The following TMEM108 variants were observed in gnomAD, a reference collection of about 807,000 sequenced individuals.
The protein encoded by TMEM108 is cancer/testis antigen 124.
TMEM108 carries 12 observed loss-of-function variants against 35.1 expected under a neutral mutation model. The observed-to-expected ratio is 0.34, with a 90% CI of 0.22 to 0.55. The LOEUF (loss-of-function observed/expected upper bound fraction) is 0.55, where lower values mean the gene tolerates loss of function less well. TMEM108 is among the 20% of genes least tolerant of loss of function. TMEM108 has a pLI of 0.89. For missense variants in TMEM108, 680 were observed against 753.3 expected (o/e 0.90, Z 1.14); for synonymous variants, 287 against 308.6 (o/e 0.93, Z 0.73).
intron 2 of TMEM108, among the ~76,000 whole-genome samples, chr3:133,118,719 C>A (rs996709777): frequency 6.6e-6 from 1 of 152,168 alleles, no homozygotes; most frequent in South Asian, 2.1e-4. Flanking sequence ...TACAATGAGG[C>A]GGCGGGCTGA....
intron 3 of TMEM108, among the ~76,000 whole-genome samples, chr3:133,242,738 C>A (rs1946330795): frequency 6.6e-6 from 1 of 152,168 alleles, no homozygotes; most frequent in Non-Finnish European, 1.5e-5. Context: ...AATCCCCTGT[C>A]CTGTGATCAG....
intron 5 of TMEM108, among the ~76,000 whole-genome samples, chr3:133,393,071 C>G (rs2073257268): frequency 6.6e-6 from 1 of 152,196 alleles, no homozygotes; most frequent in South Asian, 2.1e-4. Context: ...TCCCATTGAT[C>G]ACACACCAGC....
At chr3:133,270,761 GT>G (rs570612732) in intron 3 of TMEM108, among the ~76,000 whole-genome samples, 3 of 150,798 alleles carry the variant, frequency 2.0e-5, no homozygotes, top group African/African-American at 7.3e-5. Context: ...TTTTCTCCCT[GT>G]TTTTTTTATA....
chr3:133,264,365 A>G (rs940098737), intron 3 of TMEM108, among the ~76,000 whole-genome samples: 1 of 152,092 alleles, frequency 6.6e-6, no homozygotes, highest in South Asian at 2.1e-4. Context: ...TTAATAATAG[A>G]TTACTTCAGC....
At chr3:133,378,229 CAG>C in intron 3 of TMEM108, 1 of 553,410 alleles carries the variant, frequency 1.8e-6, no homozygotes, top group Non-Finnish European at 2.3e-6. Context: ...TTTAGAAGTG[CAG>C]GGTGAGGACA....
At chr3:133,386,293 A>ATT in intron 4 of TMEM108, 1 of 1,019,918 alleles carries the variant, frequency 9.8e-7, no homozygotes, top group Non-Finnish European at 1.5e-6. Context: ...AGTGATGATT[A>ATT]TTCATCTTAT....
At chr3:133,078,747 A>G (rs1393723126) in intron 2 of TMEM108, among the ~76,000 whole-genome samples, 4 of 152,238 alleles carry the variant, frequency 2.6e-5, no homozygotes, top group Non-Finnish European at 5.9e-5. Context: ...CAAATTATTC[A>G]TTTACTAAAT....
rs535273341 is a variant in TMEM108 at position 133,162,535 on chromosome 3, T to C, written c.-46-66731T>C. Among the ~76,000 whole-genome samples the C allele has an allele frequency of 5.6e-4, 86 of 152,334 alleles. No individual in the cohort carries two copies. In the South Asian group the frequency reaches 0.011, roughly 19 times the overall value. On this transcript the variant is annotated intron_variant, in intron 2 of 5. Coordinates refer to ENST00000321871, the MANE Select transcript of TMEM108 (RefSeq NM_023943.4). ...TGGTCACTTTTTATCTCTGAATTGT[T>C]TCTCCAGTAGTGGGTTCTGTCTTCC...
intron 2 of TMEM108, among the ~76,000 whole-genome samples, chr3:133,180,985 T>A (rs538808411): frequency 7.3e-6 from 1 of 136,840 alleles, no homozygotes; most frequent in Admixed American, 7.9e-5. Flanking sequence ...TTTCATGTTG[T>A]ACTGGCTATT....
rs140359297 is a variant in TMEM108 at position 133,056,042 on chromosome 3, A to T, written c.-47+10022A>T. On this transcript the variant is annotated intron_variant, in intron 2 of 5. Coordinates refer to ENST00000321871, the MANE Select transcript of TMEM108 (RefSeq NM_023943.4). The stretch of plus-strand genomic sequence containing the variant: ...TTTTGGTTTCCTCTGGTGTTTCTCC[A>T]CATACCCCTCCATTTTTTCCTTCCA... 1.9e-3 allele frequency among the ~76,000 whole-genome samples: 286 copies of T among 149,832 alleles called. 3 individuals carry two copies. In the South Asian group the frequency reaches 0.029, roughly 15 times the overall value.
chr3:133,353,759 G>A (rs112999468), intron 3 of TMEM108, among the ~76,000 whole-genome samples: 25 of 152,310 alleles, frequency 1.6e-4, no homozygotes, highest in African/African-American at 6.0e-4. Flanking sequence ...TGGTTTAGGA[G>A]CCTGCCAAGA....
At chr3:133,394,382 T>C (rs1190391349) in intron 5 of TMEM108, among the ~76,000 whole-genome samples, 1 of 152,252 alleles carries the variant, frequency 6.6e-6, no homozygotes, top group Non-Finnish European at 1.5e-5. Flanking sequence ...CAACAAGTGC[T>C]TGGAAACTTC....
intron 5 of TMEM108, among the ~76,000 whole-genome samples, chr3:133,392,605 C>T (rs1442972892): frequency 6.6e-6 from 1 of 152,178 alleles, no homozygotes; most frequent in Non-Finnish European, 1.5e-5. Flanking sequence ...CTAATAGGCA[C>T]CTCAAACTCA....
intron 5 of TMEM108, among the ~76,000 whole-genome samples, chr3:133,391,544 G>C (rs2073234971): frequency 6.6e-6 from 1 of 152,192 alleles, no homozygotes; most frequent in Non-Finnish European, 1.5e-5. Context: ...GGTAGACCTA[G>C]ACCCAGGCCA....
At chr3:133,255,165 G>A (rs1559883733) in intron 3 of TMEM108, among the ~76,000 whole-genome samples, 1 of 152,168 alleles carries the variant, frequency 6.6e-6, no homozygotes. Context: ...CTTGAGGGAA[G>A]GGAAAATGTA....
intron 2 of TMEM108, among the ~76,000 whole-genome samples, chr3:133,047,565 A>G (rs1943355079): frequency 3.3e-5 from 5 of 151,936 alleles, no homozygotes; most frequent in Admixed American, 3.3e-4. Context: ...TGTGCATTGT[A>G]GGATGTTCAG....
chr3:133,391,444 G>A (rs1261368398), intron 5 of TMEM108, among the ~76,000 whole-genome samples: 1 of 152,138 alleles, frequency 6.6e-6, no homozygotes, highest in East Asian at 1.9e-4. Flanking sequence ...GTGAGCTTTT[G>A]TAAACATAAC....
chr3:133,106,975 C>G (rs1944160711), intron 2 of TMEM108, among the ~76,000 whole-genome samples: 1 of 152,154 alleles, frequency 6.6e-6, no homozygotes, highest in South Asian at 2.1e-4. Flanking sequence ...TAATAGATAG[C>G]TAATACAGCA....
chr3:133,131,438 G>GC (rs1944489302), intron 2 of TMEM108, among the ~76,000 whole-genome samples: 1 of 149,120 alleles, frequency 6.7e-6, no homozygotes, highest in Non-Finnish European at 1.5e-5. Flanking sequence ...GTCACATTTT[G>GC]GTAATACAAT....
Sources: allele counts gnomAD v4.1 joint callset (sites outside exome capture counted in the v4.1 genomes callset), GRCh38; gene constraint gnomAD v4.1.1; transcripts MANE v1.5; gene names NCBI Gene and HGNC (gene_info 2026-07-23, HGNC 2026-07-21).